The following CACNA1S variants were observed in gnomAD, a reference collection of about 807,000 sequenced individuals.
The protein encoded by CACNA1S is calcium voltage-gated channel subunit alpha1 S.
In CACNA1S, 126 loss-of-function variants were observed where a neutral mutation model predicts 207.4. That is an observed-to-expected ratio of 0.61 (90% CI 0.53 to 0.70). The LOEUF is 0.70. Among genes scored for constraint, CACNA1S ranks in the 30% least tolerant of loss-of-function variants. The pLI, the probability that CACNA1S is intolerant of heterozygous loss-of-function variation, is 0.00. For missense variants in CACNA1S, 2,349 were observed against 2,422.8 expected (o/e 0.97, Z 0.64); for synonymous variants, 960 against 932.7 (o/e 1.03, Z -0.53).
At chr1:201,055,666 C>T (rs1572030564) in intron 28 of CACNA1S, among the ~76,000 whole-genome samples, 1 of 152,174 alleles carries the variant, frequency 6.6e-6, no homozygotes, top group East Asian at 1.9e-4. Context: ...ACAGGGCAGA[C>T]CATTTCTGTC....
chr1:201,069,432 G>A (rs762357809), intron 18 of CACNA1S, 40 bp downstream of exon 18: 1 of 1,604,874 alleles, frequency 6.2e-7, no homozygotes. Context: ...GGCTGGAGGG[G>A]GCAGGGGTGC....
chr1:201,107,329 G>A (rs998491827), intron 2 of CACNA1S, among the ~76,000 whole-genome samples: 15 of 152,212 alleles, frequency 9.9e-5, no homozygotes, highest in Admixed American at 5.2e-4. Flanking sequence ...CATACTTGGG[G>A]AAGCCTTCCT....
Position 201,075,561 on chromosome 1 carries a change from C to A in CACNA1S, c.1882G>T (p.Gly628Cys), listed in dbSNP as rs768445692. The change falls in exon 13 of 44, where the codon GGC becomes TGC. Residue 628 changes from glycine (G) to cysteine (C), a missense_variant. Coordinates refer to ENST00000362061, the MANE Select transcript of CACNA1S (RefSeq NM_000069.3). ...AGCATGCCAGGGTAGGACGGCCCGC[C>A]GTAGGCCATGATCCCATTGTACATC... is the stretch of plus-strand genomic sequence containing the variant. ...SMMYNGIMAY[G>C]GPSYPGMLVC... The A allele has an allele frequency of 1.9e-6, 3 of 1,614,154 alleles. No individual in the cohort carries two copies. The highest frequency in any genetic ancestry group is 1.7e-6 in the Non-Finnish European group (2 of 1,180,012).
At chr1:201,102,179 G>C (rs1441230608) in intron 2 of CACNA1S, among the ~76,000 whole-genome samples, 6 of 152,174 alleles carry the variant, frequency 3.9e-5, no homozygotes, top group African/African-American at 1.4e-4. Flanking sequence ...AGGGGGAGGA[G>C]GGGGTCCTCC....
chr1:201,059,844 C>T (rs1363132135), intron 26 of CACNA1S, among the ~76,000 whole-genome samples: 1 of 152,206 alleles, frequency 6.6e-6, no homozygotes, highest in Non-Finnish European at 1.5e-5. Context: ...CTATGACCCT[C>T]CTTAAATCTA....
rs16847603 is a variant in CACNA1S at position 201,056,503 on chromosome 1, A to G, written c.3609+1905T>C. Among the ~76,000 whole-genome samples the G allele has an allele frequency of 6.4e-3, 972 of 152,286 alleles. 13 individuals are homozygous for G. Among genetic ancestry groups the G allele is most frequent in the African/African-American group, 0.022 (913 of 41,548 alleles). ...AAGCCCTATGCATGGGTGAGCCCCT[A>G]GCTTTGGGACCAGTCCCCTGCTGGG... On this transcript the variant is annotated intron_variant, in intron 28 of 43. Transcript: ENST00000362061.
chr1:201,066,273 C>T lies in CACNA1S; in HGVS notation c.2701G>A (p.Val901Met). ...SVVKILRVLR[V>M]LRPLRAINRA... Reference sequence around the variant, plus strand: ...TTGATGGCTCTGAGTGGTCGGAGCACCCTCAGCACCCTCAGGATCTTCACC... The same window carrying T: ...TTGATGGCTCTGAGTGGTCGGAGCATCCTCAGCACCCTCAGGATCTTCACC... The change falls in exon 21 of 44, where the codon GTG (valine) becomes ATG (methionine). Residue 901 changes from valine to methionine, a missense_variant. Val to Met is a conservative substitution (Grantham distance 21, BLOSUM62 1). Transcript: ENST00000362061. The surrounding 1 kb of genome is among the most constrained non-coding windows in gnomAD (Gnocchi z 4.3). 6.2e-7 allele frequency: 1 copy of T among 1,613,312 alleles called. No homozygotes were observed. Among genetic ancestry groups the T allele is most frequent in the Non-Finnish European group, 8.5e-7 (1 of 1,179,970 alleles).
chr1:201,087,332 A>G (rs1662067316), intron 7 of CACNA1S, among the ~76,000 whole-genome samples: 1 of 152,194 alleles, frequency 6.6e-6, no homozygotes, highest in Admixed American at 6.5e-5. Context: ...ACAGCCACCA[A>G]GCAGTAGTGC....
At chr1:201,101,058 G>A (rs1662641378) in intron 2 of CACNA1S, among the ~76,000 whole-genome samples, 1 of 151,658 alleles carries the variant, frequency 6.6e-6, no homozygotes, top group Admixed American at 6.6e-5. Flanking sequence ...TTATTTTAAT[G>A]TCCTTTTAAA....
chr1:201,070,233 C>T, intron 17 of CACNA1S, 39 bp downstream of exon 17: 1 of 1,611,828 alleles, frequency 6.2e-7, no homozygotes, highest in Non-Finnish European at 8.5e-7. Context: ...CAGATGAGAG[C>T]CGCATCAATC....
At chr1:201,077,214 A>C in intron 11 of CACNA1S, 87 bp from the exon 12 acceptor site, 132 of 1,134,724 alleles carry the variant, frequency 1.2e-4, no homozygotes, top group Non-Finnish European at 1.6e-4. Context: ...GGAAAGACTC[A>C]GGACTGATGT....
Position 201,067,340 on chromosome 1 carries a change from T to G in CACNA1S, c.2551-347A>C, listed in dbSNP as rs74138825. Among the ~76,000 whole-genome samples, 644 of 152,268 alleles carry G rather than the reference T, an allele frequency of 4.2e-3. 5 individuals are homozygous for G. Among genetic ancestry groups the G allele is most frequent in the African/African-American group, 0.015 (617 of 41,552 alleles). ...AAACTTCTCCTTCCTGGAAAGCTTC[T>G]TGGGCAATCCCCTCTGCCTTGTGGT... On this transcript the variant is annotated intron_variant, in intron 19 of 43. Coordinates refer to ENST00000362061, the MANE Select transcript of CACNA1S (RefSeq NM_000069.3).
chr1:201,094,675 T>G (rs1427128675), intron 2 of CACNA1S, among the ~76,000 whole-genome samples: 3 of 152,120 alleles, frequency 2.0e-5, no homozygotes, highest in Non-Finnish European at 4.4e-5. Context: ...CCCCTGCCCG[T>G]CCCACCTGCC....
chr1:201,089,125 G>A, intron 6 of CACNA1S, 133 bp downstream of exon 6: 1 of 799,016 alleles, frequency 1.3e-6, no homozygotes, highest in South Asian at 1.5e-5. Flanking sequence ...TCCCCAGGGA[G>A]GAGCAAGAGG....
chr1:201,109,330 A>T (rs893740355), intron 2 of CACNA1S, among the ~76,000 whole-genome samples: 8 of 152,084 alleles, frequency 5.3e-5, no homozygotes, highest in Admixed American at 3.9e-4. Flanking sequence ...GACCCTGGGT[A>T]ATGTGCCTAA....
intron 26 of CACNA1S, 27 bp from the exon 27 acceptor site, chr1:201,059,326 G>A (rs748460053): frequency 2.0e-6 from 3 of 1,512,802 alleles, no homozygotes; most frequent in Non-Finnish European, 2.8e-6. Flanking sequence ...GGAGCAGTGG[G>A]TCAGGGGGGC....
chr1:201,110,106 C>T, intron 2 of CACNA1S, 58 bp downstream of exon 2: 2 of 1,477,482 alleles, frequency 1.4e-6, no homozygotes, highest in Non-Finnish European at 1.9e-6. Context: ...ACCAAGGGGG[C>T]CTCCCCAAGC....
chr1:201,108,855 G>A (rs906244899), intron 2 of CACNA1S, among the ~76,000 whole-genome samples: 3 of 152,256 alleles, frequency 2.0e-5, no homozygotes, highest in Admixed American at 6.5e-5. Flanking sequence ...TGGTTCCATT[G>A]TTCTGTCCCC....
chr1:201,107,635 A>G (rs1364477543), intron 2 of CACNA1S, among the ~76,000 whole-genome samples: 2 of 152,192 alleles, frequency 1.3e-5, no homozygotes, highest in East Asian at 3.8e-4. Flanking sequence ...GTTATTCTGG[A>G]TGACTGGAAA....
Sources: gnomAD v4.1 joint callset for allele counts (sites outside exome capture counted in the v4.1 genomes callset) on GRCh38, gnomAD v4.1.1 for gene constraint, Gnocchi (gnomAD v3.1) non-coding constraint, MANE v1.5 for transcripts, NCBI Gene and HGNC (gene_info 2026-07-23, HGNC 2026-07-21) for gene names.